The following SEMA5A variants were observed in gnomAD, a reference collection of about 807,000 sequenced individuals.
SEMA5A encodes the protein semaphorin 5A.
A neutral mutation model predicts 135.5 loss-of-function variants in SEMA5A; 55 were observed. The ratio of observed to expected loss-of-function variants is 0.41; its 90% CI spans 0.33 to 0.51. The LOEUF is 0.51. SEMA5A is among the 20% of genes least tolerant of loss of function. The pLI is 0.37. For synonymous variants in SEMA5A, 580 were observed against 546.5 expected (o/e 1.06, Z -0.85); for missense variants, 1,290 against 1,419.9 (o/e 0.91, Z 1.47).
intron 12 of SEMA5A, among the ~76,000 whole-genome samples, chr5:9,153,344 G>A (rs991814541): frequency 1.2e-4 from 19 of 152,186 alleles, no homozygotes; most frequent in Non-Finnish European, 2.2e-4. Flanking sequence ...ACAATCTCCC[G>A]GAGTAAAGTG....
chr5:9,399,285 G>A (rs950724164), intron 2 of SEMA5A, among the ~76,000 whole-genome samples: 4 of 152,222 alleles, frequency 2.6e-5, no homozygotes, highest in Non-Finnish European at 5.9e-5. Flanking sequence ...AAGGAATAAA[G>A]TGCTGACATA....
Position 9,035,842 on chromosome 5 carries a change from T to A in SEMA5A, c.*7055A>T, listed in dbSNP as rs575323909. Reference sequence around the variant, plus strand: ...AACAAAGGGGAAATGTAAAGCTATCTCATTGTTTTAAAAAGCTAAATTATA... The same window carrying A: ...AACAAAGGGGAAATGTAAAGCTATCACATTGTTTTAAAAAGCTAAATTATA... On this transcript the variant is annotated 3_prime_UTR_variant, in exon 23 of 23. Coordinates refer to ENST00000382496, the MANE Select transcript of SEMA5A (RefSeq NM_003966.3). The A allele has an allele frequency of 2.0e-5, 3 of 151,908 alleles. No homozygotes were observed. Among genetic ancestry groups the A allele is most frequent in the Non-Finnish European group, 4.4e-5 (3 of 68,020 alleles). The allele number at this position is 151,908 out of a possible 1,614,324, so 9.4% of individuals were successfully genotyped here. A position where few individuals can be genotyped will look rare whatever the true frequency, so the allele number is the denominator to read the frequency against.
At chr5:9,375,614 T>C (rs1442263159) in intron 3 of SEMA5A, among the ~76,000 whole-genome samples, 1 of 148,316 alleles carries the variant, frequency 6.7e-6, no homozygotes, top group Non-Finnish European at 1.5e-5. Context: ...TAGTGTGCAG[T>C]AATTTGTTAC....
intron 9 of SEMA5A, among the ~76,000 whole-genome samples, chr5:9,197,745 TGTG>T (rs769714717): frequency 7.7e-6 from 1 of 130,120 alleles, no homozygotes; most frequent in Admixed American, 7.8e-5. Context: ...TGTGTGTGTG[TGTG>T]TGTGTGTGTG....
chr5:9,044,636 A>G, intron 21 of SEMA5A, 52 bp from the exon 22 acceptor site: 6 of 1,431,138 alleles, frequency 4.2e-6, no homozygotes, highest in Non-Finnish European at 5.9e-6. Flanking sequence ...CATCCTGCCT[A>G]GCTACTCAAA....
intron 16 of SEMA5A, among the ~76,000 whole-genome samples, chr5:9,081,668 T>C (rs905307788): frequency 1.3e-5 from 2 of 152,206 alleles, no homozygotes; most frequent in Non-Finnish European, 2.9e-5. Flanking sequence ...GTGAGGCCAG[T>C]GGTTACAATT....
chr5:9,496,987 T>C (rs1735336193), intron 1 of SEMA5A, among the ~76,000 whole-genome samples: 1 of 152,232 alleles, frequency 6.6e-6, no homozygotes, highest in African/African-American at 2.4e-5. Flanking sequence ...GGCCTTGAAA[T>C]AGCCTTGCAT....
At chr5:9,436,660 G>A (rs957816624) in intron 2 of SEMA5A, among the ~76,000 whole-genome samples, 60 of 152,198 alleles carry the variant, frequency 3.9e-4, no homozygotes, top group African/African-American at 1.4e-3. Flanking sequence ...TGTCCACAAT[G>A]AGACGGTAAT....
At chr5:9,222,404 T>C (rs1747055787) in intron 8 of SEMA5A, among the ~76,000 whole-genome samples, 1 of 152,054 alleles carries the variant, frequency 6.6e-6, no homozygotes, top group East Asian at 1.9e-4. Flanking sequence ...ATGCAATAAC[T>C]CAGGGTCCTC....
At chr5:9,423,588 G>C (rs1459459835) in intron 2 of SEMA5A, among the ~76,000 whole-genome samples, 1 of 152,192 alleles carries the variant, frequency 6.6e-6, no homozygotes, top group Non-Finnish European at 1.5e-5. Context: ...TGAGCCTTAT[G>C]CTTTACATTA....
chr5:9,346,281 C>G (rs563348937), intron 3 of SEMA5A, among the ~76,000 whole-genome samples: 1 of 152,106 alleles, frequency 6.6e-6, no homozygotes, highest in African/African-American at 2.4e-5. Context: ...CCTTCCTGCC[C>G]CATCCCCTTT....
At chr5:9,057,911 C>T (rs896309044) in intron 18 of SEMA5A, among the ~76,000 whole-genome samples, 1 of 152,136 alleles carries the variant, frequency 6.6e-6, no homozygotes, top group South Asian at 2.1e-4. Context: ...GATTATTGTA[C>T]TAACAATTCA....
intron 12 of SEMA5A, among the ~76,000 whole-genome samples, chr5:9,140,946 T>TAGAGGGAAGCTCTAACAC (rs1284840485): frequency 2.0e-5 from 3 of 152,208 alleles, no homozygotes; most frequent in African/African-American, 7.2e-5. Context: ...AGGGAAGTAT[T>TAGAGGGAAGCTCTAACAC]TCAAGCTGTT....
rs1739328464 is a variant in SEMA5A at position 9,096,592 on chromosome 5, GTGTC to G, written c.2073+11544_2073+11547del. Among the ~76,000 whole-genome samples the G allele has an allele frequency of 2.7e-5, 4 of 148,688 alleles. 1 individual carries two copies. The highest frequency in any genetic ancestry group is 1.0e-4 in the African/African-American group (4 of 40,162). ...TGTGTGTGTGTGTGTGTGTGTGTGT[GTGTC>G]CCACAGCTTCTTTATCCATTCATCT... On this transcript the variant is annotated intron_variant, in intron 16 of 22. Coordinates refer to ENST00000382496, the MANE Select transcript of SEMA5A (RefSeq NM_003966.3).
intron 8 of SEMA5A, among the ~76,000 whole-genome samples, chr5:9,222,150 G>T (rs751848531): frequency 6.6e-6 from 1 of 152,200 alleles, no homozygotes; most frequent in South Asian, 2.1e-4. Flanking sequence ...ATCTGGCAAA[G>T]AACAGATGGG....
At chr5:9,078,649 A>G (rs968724196) in intron 16 of SEMA5A, among the ~76,000 whole-genome samples, 1 of 151,728 alleles carries the variant, frequency 6.6e-6, no homozygotes, top group Admixed American at 6.6e-5. Flanking sequence ...CAAAATTTAG[A>G]AAAAAAAATT....
chr5:9,264,638 C>T (rs1749585312), intron 5 of SEMA5A, among the ~76,000 whole-genome samples: 1 of 151,104 alleles, frequency 6.6e-6, no homozygotes, highest in Non-Finnish European at 1.5e-5. Flanking sequence ...ACACCTCCCA[C>T]CCTGAGGTCA....
intron 1 of SEMA5A, among the ~76,000 whole-genome samples, chr5:9,507,872 C>T (rs1442264175): frequency 1.3e-5 from 2 of 151,908 alleles, no homozygotes; most frequent in Admixed American, 6.6e-5. Context: ...GGCATGGTGG[C>T]GGGCGCCTGT....
intron 16 of SEMA5A, among the ~76,000 whole-genome samples, chr5:9,088,718 C>G (rs949497454): frequency 9.4e-5 from 14 of 149,274 alleles, no homozygotes; most frequent in African/African-American, 2.2e-4. Flanking sequence ...TGTGGACACT[C>G]TCATATAAGA....
Sources: gnomAD v4.1 joint callset for allele counts (sites outside exome capture counted in the v4.1 genomes callset) on GRCh38, gnomAD v4.1.1 for gene constraint, MANE v1.5 for transcripts, NCBI Gene and HGNC (gene_info 2026-07-23, HGNC 2026-07-21) for gene names.